Variants in SETD7 observed in about 807,000 individuals in gnomAD.
The protein encoded by SETD7 is SET domain containing 7, histone lysine methyltransferase.
SETD7 carries 16 observed loss-of-function variants against 41.8 expected under a neutral mutation model. That is an observed-to-expected ratio of 0.38 (90% CI 0.26 to 0.58). The LOEUF is 0.58. SETD7 is among the 20% of genes least tolerant of loss of function. The probability of loss-of-function intolerance (pLI) is 0.64; values close to 1 mark genes in which losing one functional copy is unlikely to be tolerated. For missense variants in SETD7, 346 were observed against 459.7 expected (o/e 0.75, Z 2.26); for synonymous variants, 163 against 169.7 (o/e 0.96, Z 0.31).
At chr4:139,539,017 A>T (rs1727713512) in intron 2 of SETD7, among the ~76,000 whole-genome samples, 1 of 152,220 alleles carries the variant, frequency 6.6e-6, no homozygotes, top group Non-Finnish European at 1.5e-5. Context: ...CTAGACTTAC[A>T]TATCTGCATT....
chr4:139,494,107 A>G (rs548522100), downstream of SETD7, among the ~76,000 whole-genome samples: 36 of 152,320 alleles, frequency 2.4e-4, no homozygotes, highest in South Asian at 6.4e-3. Context: ...TGGGTAGGCA[A>G]TCCACAGTAT....
chr4:139,542,391 G>C (rs972211429), intron 2 of SETD7, among the ~76,000 whole-genome samples: 1 of 152,012 alleles, frequency 6.6e-6, no homozygotes, highest in Non-Finnish European at 1.5e-5. Context: ...CTAGAAGAAG[G>C]GATTTTGAAT....
chr4:139,519,000 T>A (rs776440105), intron 6 of SETD7, among the ~76,000 whole-genome samples: 5 of 152,242 alleles, frequency 3.3e-5, no homozygotes, highest in Non-Finnish European at 7.4e-5. Flanking sequence ...ATTGTGCTTT[T>A]ATTCATATGT....
At chr4:139,530,272 A>G (rs540282662) in intron 3 of SETD7, among the ~76,000 whole-genome samples, 1 of 151,252 alleles carries the variant, frequency 6.6e-6, no homozygotes, top group Non-Finnish European at 1.5e-5. Context: ...AGCTTGGTTA[A>G]TTTCTCCAAC....
chr4:139,526,436 A>ATTTTT (rs11353890), intron 4 of SETD7, among the ~76,000 whole-genome samples: 2 of 122,604 alleles, frequency 1.6e-5, no homozygotes, highest in Non-Finnish European at 3.4e-5. Context: ...TGCCCAGCTA[A>ATTTTT]TTTTTTTTTT....
intron 7 of SETD7, chr4:139,496,591 G>T: frequency 1.6e-6 from 1 of 643,238 alleles, no homozygotes; most frequent in Non-Finnish European, 2.8e-6. Flanking sequence ...CTCAAGCCAC[G>T]GTGCTGAAAA....
At chr4:139,526,664 T>C (rs1458511692) in intron 4 of SETD7, among the ~76,000 whole-genome samples, 1 of 152,128 alleles carries the variant, frequency 6.6e-6, no homozygotes, top group African/African-American at 2.4e-5. Flanking sequence ...ATATCCACAT[T>C]TGGTAATGAG....
At chr4:139,527,865 A>G (rs1727374702) in intron 4 of SETD7, among the ~76,000 whole-genome samples, 1 of 152,232 alleles carries the variant, frequency 6.6e-6, no homozygotes, top group South Asian at 2.1e-4. Flanking sequence ...TCCATTTTTA[A>G]CTTAAAAAAA....
chr4:139,556,208 T>A lies in SETD7; in HGVS notation c.-71A>T. ...CGTCCCTCTGGGTGCTCCCGGCGGCTGAGCGAGCTCTGGGGCTCGCGAGTT... is the reference window on the plus strand; with the variant it reads ...CGTCCCTCTGGGTGCTCCCGGCGGCAGAGCGAGCTCTGGGGCTCGCGAGTT... On this transcript the variant is annotated 5_prime_UTR_variant, in exon 1 of 8. Coordinates refer to ENST00000274031, the MANE Select transcript of SETD7 (RefSeq NM_030648.4). 6.6e-7 allele frequency: 1 copy of A among 1,514,358 alleles called. No homozygotes were observed. Among genetic ancestry groups the A allele is most frequent in the Non-Finnish European group, 8.9e-7 (1 of 1,120,478 alleles). 93.8% of individuals were successfully genotyped at this position (1,514,358 alleles called of 1,614,324 possible).
At chr4:139,513,418 T>TAA (rs1488309538) in intron 7 of SETD7, among the ~76,000 whole-genome samples, 1 of 122,564 alleles carries the variant, frequency 8.2e-6, no homozygotes, top group African/African-American at 3.0e-5. Flanking sequence ...AGACTTTGTC[T>TAA]CAAAAAAAAA....
chr4:139,549,785 AT>A (rs946739223), intron 1 of SETD7, among the ~76,000 whole-genome samples: 7 of 149,988 alleles, frequency 4.7e-5, no homozygotes, highest in African/African-American at 1.2e-4. Flanking sequence ...AAAAAAAAAA[AT>A]TTTTTTTTGA....
downstream of SETD7, among the ~76,000 whole-genome samples, chr4:139,503,573 G>C (rs1200961902): frequency 6.6e-6 from 1 of 152,128 alleles, no homozygotes; most frequent in African/African-American, 2.4e-5. Context: ...AAAACGGCCT[G>C]ATAAAACTCT....
intron 7 of SETD7, among the ~76,000 whole-genome samples, chr4:139,517,502 A>G (rs962799298): frequency 8.0e-5 from 11 of 137,450 alleles, no homozygotes; most frequent in South Asian, 4.7e-4. Flanking sequence ...AAAAAAAAAA[A>G]GGGCTCCTTC....
intron 4 of SETD7, among the ~76,000 whole-genome samples, chr4:139,527,281 C>T (rs1355531931): frequency 1.3e-5 from 2 of 152,128 alleles, no homozygotes; most frequent in Non-Finnish European, 2.9e-5. Flanking sequence ...TAGCTGGGTG[C>T]AGTAGTTTAT....
Position 139,511,550 on chromosome 4 carries a change from G to C in SETD7, c.*113C>G. On this transcript the variant is annotated 3_prime_UTR_variant, in exon 8 of 8. Transcript: ENST00000274031. ...GAGAAAGTCGTTGCTAACGCATGGT[G>C]AGAGGATGTGACGTCACAGCATGAG... 1 of 1,570,482 alleles carries C rather than the reference G, an allele frequency of 6.4e-7. No individual in the cohort carries two copies. Among genetic ancestry groups the C allele is most frequent in the Non-Finnish European group, 8.6e-7 (1 of 1,165,296 alleles).
downstream of SETD7, among the ~76,000 whole-genome samples, chr4:139,501,164 G>C (rs111360881): frequency 6.6e-6 from 1 of 151,930 alleles, no homozygotes; most frequent in South Asian, 2.1e-4. Flanking sequence ...CTTCTTATCC[G>C]TTTCCCTCAC....
At position 139,513,491 on chromosome 4, in the gene SETD7, T is replaced by C. The variant is rs1726939373; in HGVS notation, c.921-1648A>G. Among the ~76,000 whole-genome samples the C allele has an allele frequency of 1.3e-5, 2 of 151,858 alleles. 1 individual carries two copies. The highest frequency in any genetic ancestry group is 4.2e-4 in the South Asian group (2 of 4,812). On this transcript the variant is annotated intron_variant, in intron 7 of 7. Transcript: ENST00000274031. ...GTAAGTACTTGGCTGGTTCCTTCTA[T>C]CAGTGGTGGAGGAATGGGCATGTCT...
At chr4:139,553,741 T>C (rs1728177404) in intron 1 of SETD7, among the ~76,000 whole-genome samples, 2 of 152,318 alleles carry the variant, frequency 1.3e-5, no homozygotes. Flanking sequence ...ATAGCAATGA[T>C]AATAATAGCT....
At chr4:139,492,983 A>C (rs913568780), downstream of SETD7, among the ~76,000 whole-genome samples, 3 of 152,222 alleles carry the variant, frequency 2.0e-5, no homozygotes, top group Middle Eastern at 6.3e-3. Context: ...ATTCATAGGG[A>C]AAGTTCATTC....
Sources: allele counts gnomAD v4.1 joint callset (sites outside exome capture counted in the v4.1 genomes callset), GRCh38; gene constraint gnomAD v4.1.1; transcripts MANE v1.5; gene names NCBI Gene and HGNC (gene_info 2026-07-23, HGNC 2026-07-21).